The following AKAP9 variants were observed in gnomAD, a reference collection of about 807,000 sequenced individuals.
AKAP9 encodes A-kinase anchor protein 9.
Under a neutral mutation model 488.5 loss-of-function variants are expected in AKAP9, and 311 were observed. The ratio of observed to expected loss-of-function variants is 0.64; its 90% CI spans 0.58 to 0.70. The LOEUF is 0.70. AKAP9 is among the 30% of genes least tolerant of loss of function. The probability of loss-of-function intolerance (pLI) is 0.00; values close to 1 mark genes in which losing one functional copy is unlikely to be tolerated. For synonymous variants in AKAP9, 1,462 were observed against 1,483.5 expected (o/e 0.99, Z 0.33); for missense variants, 4,215 against 4,374.5 (o/e 0.96, Z 1.03).
intron 1 of AKAP9, among the ~76,000 whole-genome samples, chr7:91,969,911 T>G (rs556104299): frequency 3.5e-4 from 53 of 152,314 alleles, no homozygotes; most frequent in Non-Finnish European, 6.0e-4. Flanking sequence ...ACCTTGAGTA[T>G]TATTATTAAT....
At chr7:92,018,204 A>AT (rs1017163276) in intron 12 of AKAP9, among the ~76,000 whole-genome samples, 41 of 151,212 alleles carry the variant, frequency 2.7e-4, no homozygotes, top group Non-Finnish European at 4.3e-4. Flanking sequence ...ATTTTATATG[A>AT]TTTTTTTTTC....
Position 92,002,710 on chromosome 7 carries a change from T to A in AKAP9, c.2793T>A (p.Gly931=), listed in dbSNP as rs756987521. ...TTGTAGCAGAAACATTGGAAATGGG[T>A]GAGGTTGTTGAAAAGGATACAACAG... The part of the protein sequence containing the change: ...KTFVAETLEM[G]EVVEKDTTEL... The change falls in exon 8 of 50, where the codon GGT becomes GGA. Residue 931 remains glycine, a synonymous_variant. Transcript: ENST00000356239. 3.1e-5 allele frequency: 50 copies of A among 1,613,504 alleles called. No homozygotes were observed. Among genetic ancestry groups the A allele is most frequent in the Non-Finnish European group, 3.8e-5 (45 of 1,179,716 alleles).
intron 3 of AKAP9, among the ~76,000 whole-genome samples, chr7:91,983,381 T>C (rs1401691052): frequency 2.0e-5 from 3 of 152,216 alleles, no homozygotes; most frequent in Admixed American, 2.0e-4. Context: ...GGACATGAAC[T>C]CATCCTTTTC....
In AKAP9 at chr7:92,095,096, A is replaced by T; in HGVS notation, c.9652A>T (p.Arg3218Ter). 6.2e-7 allele frequency: 1 copy of T among 1,614,198 alleles called. No individual in the cohort carries two copies. Among genetic ancestry groups the T allele is most frequent in the Non-Finnish European group, 8.5e-7 (1 of 1,180,022 alleles). Residue 3218 changes from arginine to a stop codon, truncating the protein, a stop_gained, in exon 40 of 50, where the codon AGA becomes TGA. Transcript: ENST00000356239. LOFTEE classifies it high-confidence loss of function. ...DTLASEQKKS[R>*]ELQWALEKEK... ...ATTAGCAAGTGAACAGAAAAAATCAAGAGAGCTCCAGTGGGCTTTGGAGAA... is the reference window on the plus strand; with the variant it reads ...ATTAGCAAGTGAACAGAAAAAATCATGAGAGCTCCAGTGGGCTTTGGAGAA...
At chr7:92,067,460 C>G (rs981100611) in intron 26 of AKAP9, among the ~76,000 whole-genome samples, 2 of 146,438 alleles carry the variant, frequency 1.4e-5, no homozygotes, top group Admixed American at 1.4e-4. Flanking sequence ...ATTCTCCTTT[C>G]TCTCAACCCC....
Position 92,000,891 on chromosome 7 carries a change from AG to A in AKAP9, c.976del (p.Glu326LysfsTer9). On this transcript the variant is annotated frameshift_variant, in exon 8 of 50. Coordinates refer to ENST00000356239, the MANE Select transcript of AKAP9 (RefSeq NM_005751.5). LOFTEE classifies it high-confidence loss of function. ...GAAAACTCAAATAAAGAAGAAATAC[AG>A]GAAAAGGAGACAATCATTGAAGAAT... ...KVENSNKEEI[Q>X]EKETIIEELN... The A allele has an allele frequency of 7.0e-7, 1 of 1,427,306 alleles. No homozygotes were observed. The highest frequency in any genetic ancestry group is 9.4e-7 in the Non-Finnish European group (1 of 1,062,930). The allele number at this position is 1,427,306 out of a possible 1,614,324, so 88.4% of individuals were successfully genotyped here.
At chr7:91,965,116 A>G (rs1584609140) in intron 1 of AKAP9, among the ~76,000 whole-genome samples, 5 of 152,238 alleles carry the variant, frequency 3.3e-5, no homozygotes, top group African/African-American at 9.6e-5. Context: ...CACCCTACCA[A>G]TCTATCAAAC....
chr7:91,981,434 T>C (rs1796392112), intron 3 of AKAP9, among the ~76,000 whole-genome samples: 2 of 152,132 alleles, frequency 1.3e-5, no homozygotes, highest in South Asian at 2.1e-4. Context: ...TATGGGCAGA[T>C]GTCCACAGGT....
chr7:91,950,760 A>G (rs942829479), intron 1 of AKAP9, among the ~76,000 whole-genome samples: 20 of 152,206 alleles, frequency 1.3e-4, no homozygotes, highest in African/African-American at 4.8e-4. Flanking sequence ...ATAAATTAGT[A>G]GATCTTCTTC....
intron 14 of AKAP9, among the ~76,000 whole-genome samples, chr7:92,028,023 G>A (rs913100627): frequency 1.3e-5 from 2 of 152,092 alleles, no homozygotes; most frequent in Middle Eastern, 3.2e-3. Context: ...AACATGTGCT[G>A]TGTCAACTCA....
rs769021404 is a variant in AKAP9 at position 92,089,395 on chromosome 7, A to G, written c.9224A>G (p.Tyr3075Cys). The change falls in exon 38 of 50, where the codon TAT becomes TGT. Residue 3075 changes from tyrosine (Y) to cysteine (C), a missense_variant. Around this residue, in one of 5 missense-constraint regions of AKAP9, gnomAD observed 1,476 missense variants for 1,477.4 expected, o/e 1.00. Transcript: ENST00000356239. Reference sequence around the variant, plus strand: ...CTTCCTTTGTTACAGGGTGTTGAATATCAAGCAGCTATGGAATGCCTCCAG... The same window carrying G: ...CTTCCTTTGTTACAGGGTGTTGAATGTCAAGCAGCTATGGAATGCCTCCAG... ...EQRIQEQGVE[Y>C]QAAMECLQKA... The G allele has an allele frequency of 4.3e-6, 7 of 1,611,640 alleles. No individual in the cohort carries two copies. The highest frequency in any genetic ancestry group is 5.1e-6 in the Non-Finnish European group (6 of 1,179,708).
In AKAP9 at chr7:91,996,494, C is replaced by T. The variant is rs538605952; in HGVS notation, c.930+694C>T. On this transcript the variant is annotated intron_variant, in intron 7 of 49. Coordinates refer to ENST00000356239, the MANE Select transcript of AKAP9 (RefSeq NM_005751.5). Reference sequence around the variant, plus strand: ...CCCAGAGCTGGAGCTTCCTGTACTACACTGCACTACCTCGGGTCCTCTCCA... The same window carrying T: ...CCCAGAGCTGGAGCTTCCTGTACTATACTGCACTACCTCGGGTCCTCTCCA... Among the ~76,000 whole-genome samples, 29 of 152,236 alleles carry T rather than the reference C, an allele frequency of 1.9e-4. No homozygotes were observed. In the South Asian group the frequency reaches 3.1e-3, roughly 16 times the overall value.
chr7:91,979,078 G>A (rs772761589), intron 2 of AKAP9, among the ~76,000 whole-genome samples: 10 of 151,614 alleles, frequency 6.6e-5, no homozygotes, highest in Middle Eastern at 3.4e-3. Flanking sequence ...ACACCTGGCC[G>A]AACTTTTCTA....
At chr7:92,063,595 G>A (rs1039217384) in intron 24 of AKAP9, 2 of 542,264 alleles carry the variant, frequency 3.7e-6, no homozygotes, top group Non-Finnish European at 4.7e-6. Context: ...AACATCTCTA[G>A]TTTTGCAGTG....
intron 1 of AKAP9, among the ~76,000 whole-genome samples, chr7:91,970,957 G>A (rs537215160): frequency 1.0e-3 from 157 of 151,918 alleles, no homozygotes; most frequent in African/African-American, 3.7e-3. Context: ...TTAAAGTTAG[G>A]CATTATATTA....
At chr7:92,081,908 T>C (rs1037216332) in intron 31 of AKAP9, among the ~76,000 whole-genome samples, 1 of 152,172 alleles carries the variant, frequency 6.6e-6, no homozygotes, top group Non-Finnish European at 1.5e-5. Flanking sequence ...ATTCCCTGGC[T>C]TTTTCCTCCT....
chr7:91,991,842 T>C (rs142247871), intron 3 of AKAP9, among the ~76,000 whole-genome samples: 163 of 152,360 alleles, frequency 1.1e-3, no homozygotes, highest in African/African-American at 3.5e-3. Flanking sequence ...AAGCCTTTCA[T>C]AGAAGAGATT....
chr7:92,109,757 C>A (rs919443467), intron 49 of AKAP9, among the ~76,000 whole-genome samples: 1 of 152,132 alleles, frequency 6.6e-6, no homozygotes, highest in African/African-American at 2.4e-5. Context: ...TCGAGACTAG[C>A]CTGGCCAACA....
Position 91,954,822 on chromosome 7 carries a change from C to G in AKAP9, c.48+13675C>G, listed in dbSNP as rs1253550131. On this transcript the variant is annotated intron_variant, in intron 1 of 49. Coordinates refer to ENST00000356239, the MANE Select transcript of AKAP9 (RefSeq NM_005751.5). ...AGCAATAGACTTTAGGACCCACTAA[C>G]ATAGCCACTTTACTTGATTCTACAA... is the stretch of plus-strand genomic sequence containing the variant. 2.0e-5 allele frequency among the ~76,000 whole-genome samples: 3 copies of G among 152,158 alleles called. No individual in the cohort carries two copies. The East Asian group carries it at 5.8e-4, about 29-fold the overall frequency.
Sources: gnomAD v4.1 joint callset for allele counts (sites outside exome capture counted in the v4.1 genomes callset) on GRCh38, gnomAD v4.1.1 for gene constraint, gnomAD v4.1.1 regional missense constraint, MANE v1.5 for transcripts, NCBI Gene and HGNC (gene_info 2026-07-23, HGNC 2026-07-21) for gene names.